Variants in TNXB observed in about 807,000 individuals in gnomAD.
The protein encoded by TNXB is tenascin XB, also known as tenascin-X.
In TNXB, 183 loss-of-function variants were observed where a neutral mutation model predicts 340.5. The observed-to-expected ratio is 0.54, with a 90% CI of 0.48 to 0.61. The LOEUF (loss-of-function observed/expected upper bound fraction) is 0.61. Among genes scored for constraint, TNXB ranks in the 20% least tolerant of loss-of-function variants. The pLI is 0.00. For synonymous variants in TNXB, 2,121 were observed against 2,314.5 expected (o/e 0.92, Z 2.40); for missense variants, 4,613 against 5,446.4 (o/e 0.85, Z 4.82).
Position 32,061,403 on chromosome 6 carries a change from C to A in TNXB, c.7486G>T (p.Val2496Leu). The change falls in exon 21 of 44, where the codon GTG becomes TTG. Residue 2496 changes from valine (V) to leucine (L), a missense_variant. This residue lies in a region of TNXB where 4,327 missense variants were observed against 4,859.4 expected (regional missense o/e 0.89). Coordinates refer to ENST00000644971, the MANE Select transcript of TNXB (RefSeq NM_001365276.2). This position sits in a 1 kb window ranked among gnomAD's most constrained non-coding sequence, Gnocchi z 4.4. ...RRVGPVSTVG[V>L]TAPQEDVDET... ...GACTCCAAGCACTACTCACCAGTCA[C>A]GCCCACGGTGGACACCGGGCCCACG... is the stretch of plus-strand genomic sequence containing the variant. 1 of 1,612,462 alleles carries A rather than the reference C, an allele frequency of 6.2e-7. No individual in the cohort carries two copies. The highest frequency in any genetic ancestry group is 8.5e-7 in the Non-Finnish European group (1 of 1,179,374).
rs747005604 is a variant in TNXB at position 32,067,783 on chromosome 6, A to G, written c.6422T>C (p.Val2141Ala). Residue 2141 changes from valine (V) to alanine (A), a missense_variant, in exon 18 of 44, where the codon GTT (valine) becomes GCT (alanine). Around this residue, in one of 7 missense-constraint regions of TNXB, gnomAD observed 4,327 missense variants for 4,859.4 expected, o/e 0.89. Transcript: ENST00000644971. This position sits in a 1 kb window ranked among gnomAD's most constrained non-coding sequence, Gnocchi z 4.2. ...GGTGACTTCACTCTCCTCGCCCCCA[A>G]CACGCACCACCTGGGGCCGCCCGTC... ...DRDGRPQVVR[V>A]GGEESEVTVG... The G allele has an allele frequency of 2.7e-5, 43 of 1,613,512 alleles. No individual in the cohort carries two copies. The highest frequency in any genetic ancestry group is 1.3e-5 in the Non-Finnish European group (15 of 1,179,854).
chr6:32,048,140 A>G, intron 29 of TNXB, 128 bp from the exon 30 acceptor site: 1 of 1,255,708 alleles, frequency 8.0e-7, no homozygotes. Context: ...AGTAGGAATA[A>G]AAGAGGAGCC....
At position 32,085,582 on chromosome 6, in the gene TNXB, C is replaced by T. The variant is rs1298456237; in HGVS notation, c.3148+168G>A. 1.3e-5 allele frequency among the ~76,000 whole-genome samples: 2 copies of T among 152,168 alleles called. No individual in the cohort carries two copies. Among genetic ancestry groups the T allele is most frequent in the East Asian group, 3.9e-4 (2 of 5,190 alleles). ...TTTAAGATCCCCCTCGATCCATCTTCCTGCTGAACCTGCAATTCCTTTTCT... is the reference window on the plus strand; with the variant it reads ...TTTAAGATCCCCCTCGATCCATCTTTCTGCTGAACCTGCAATTCCTTTTCT... On this transcript the variant is annotated intron_variant, in intron 7 of 43. Coordinates refer to ENST00000644971, the MANE Select transcript of TNXB (RefSeq NM_001365276.2). This position sits in a 1 kb window ranked among gnomAD's most constrained non-coding sequence, Gnocchi z 6.4.
At position 32,069,865 on chromosome 6, in the gene TNXB, A is replaced by G; in HGVS notation, c.5279-4T>C. On this transcript the variant is annotated splice_polypyrimidine_tract_variant and splice_region_variant and intron_variant, in intron 14 of 43. Transcript: ENST00000644971. This position sits in a 1 kb window ranked among gnomAD's most constrained non-coding sequence, Gnocchi z 6.2. ...TCATCCATAGCACTCCGGGCTTCTGAGATGGAGACACGGAGAGGAAACGGC... is the reference window on the plus strand; with the variant it reads ...TCATCCATAGCACTCCGGGCTTCTGGGATGGAGACACGGAGAGGAAACGGC... 1 of 1,579,998 alleles carries G rather than the reference A, an allele frequency of 6.3e-7. No individual in the cohort carries two copies. The highest frequency in any genetic ancestry group is 8.6e-7 in the Non-Finnish European group (1 of 1,160,246).
At position 32,068,435 on chromosome 6, in the gene TNXB, G is replaced by C; in HGVS notation, c.6175C>G (p.His2059Asp). 1 of 1,613,886 alleles carries C rather than the reference G, an allele frequency of 6.2e-7. No individual in the cohort carries two copies. The highest frequency in any genetic ancestry group is 1.1e-5 in the South Asian group (1 of 91,086). Residue 2059 changes from histidine (H) to aspartate (D), a missense_variant, in exon 17 of 44, where the codon CAC becomes GAC. Physicochemically the swap from His to Asp is moderately conservative, Grantham distance 81 (BLOSUM62 -1). Transcript: ENST00000644971. This position sits in a 1 kb window ranked among gnomAD's most constrained non-coding sequence, Gnocchi z 5.3. ...HKYKMNLYGF[H>D]GGQRMGPVSV... Reference sequence around the variant, plus strand: ...ACAGGGCCCATGCGCTGGCCACCGTGGAAGCCGTACAGGTTCATCTTGTAT... The same window carrying C: ...ACAGGGCCCATGCGCTGGCCACCGTCGAAGCCGTACAGGTTCATCTTGTAT...
chr6:32,042,722 G>A lies in TNXB; in HGVS notation c.12035C>T (p.Pro4012Leu). 4.1e-6 allele frequency: 4 copies of A among 979,462 alleles called. No homozygotes were observed. The highest frequency in any genetic ancestry group is 1.9e-5 in the African/African-American group (1 of 51,570). 60.7% of individuals were successfully genotyped at this position (979,462 alleles called of 1,614,324 possible). The change falls in exon 39 of 44, where the codon CCC becomes CTC. Residue 4012 changes from proline to leucine, a missense_variant. Physicochemically the swap from Pro to Leu is moderately conservative, Grantham distance 98. This residue lies in a region of TNXB where 121 missense variants were observed against 177.4 expected (regional missense o/e 0.68). Coordinates refer to ENST00000644971, the MANE Select transcript of TNXB (RefSeq NM_001365276.2). ...QAMWGQSLLP[P>L]VSTSFTTGGL... Reference sequence around the variant, plus strand: ...ACCCGTGGTGAAAGAGGTGGACACGGGCGGCAGGAGGCTCTGGCCCCACAT... The same window carrying A: ...ACCCGTGGTGAAAGAGGTGGACACGAGCGGCAGGAGGCTCTGGCCCCACAT...
At chr6:32,092,154 T>C (rs1191947058) in intron 4 of TNXB, among the ~76,000 whole-genome samples, 2 of 152,208 alleles carry the variant, frequency 1.3e-5, no homozygotes, top group Non-Finnish European at 2.9e-5. Context: ...CCTGGAGGGC[T>C]TGTTGCAATA....
intron 1 of TNXB, among the ~76,000 whole-genome samples, chr6:32,101,455 A>AT (rs1329500658): frequency 1.3e-5 from 2 of 151,756 alleles, no homozygotes; most frequent in African/African-American, 4.8e-5. Context: ...TACTTGGCTC[A>AT]TTTTTTTGTA....
In TNXB at chr6:32,068,972, T is replaced by C. The variant is rs373151913; in HGVS notation, c.5752A>G (p.Arg1918Gly). The change falls in exon 16 of 44, where the codon AGA (arginine) becomes GGA (glycine). Residue 1918 changes from arginine to glycine, a missense_variant. By Grantham distance (125) the Arg-to-Gly change is moderately radical (BLOSUM62 -2). Around this residue, in one of 7 missense-constraint regions of TNXB, gnomAD observed 4,327 missense variants for 4,859.4 expected, o/e 0.89. Transcript: ENST00000644971. The surrounding 1 kb of genome is among the most constrained non-coding windows in gnomAD (Gnocchi z 5.3). ...CGGACCATTTGGAGTTGCCCGTCTC[T>C]ATCTGTGTACTGGATTTCGAAGGAG... Reference protein sequence around the residue: ...FDSFEIQYTDRDGQLQMVRIG... With the variant: ...FDSFEIQYTDGDGQLQMVRIG... The C allele has an allele frequency of 5.0e-6, 8 of 1,612,778 alleles. No homozygotes were observed. The highest frequency in any genetic ancestry group is 1.6e-4 in the Middle Eastern group (1 of 6,082).
At chr6:32,057,995 T>G in intron 22 of TNXB, 63 bp downstream of exon 22, 1 of 1,518,954 alleles carries the variant, frequency 6.6e-7, no homozygotes, top group Non-Finnish European at 8.8e-7. Flanking sequence ...TATAGGAAAA[T>G]GGTAGAGAAG....
Position 32,052,728 on chromosome 6 carries a change from G to C in TNXB, c.9057C>G (p.His3019Gln), listed in dbSNP as rs751582197. 1.9e-6 allele frequency: 3 copies of C among 1,613,816 alleles called. No homozygotes were observed. In the Admixed American group the frequency reaches 5.0e-5, roughly 27 times the overall value. Residue 3019 changes from histidine to glutamine, a missense_variant, in exon 26 of 44, where the codon CAC (histidine) becomes CAG (glutamine). His to Gln is a conservative substitution (Grantham distance 24). Coordinates refer to ENST00000644971, the MANE Select transcript of TNXB (RefSeq NM_001365276.2). The surrounding 1 kb of genome is among the most constrained non-coding windows in gnomAD (Gnocchi z 4.7). Reference sequence around the variant, plus strand: ...GCTGCCCCTCGTGGAGGCCGTACAGGTGCATCTTGTATTTGCACCCGGGCT... The same window carrying C: ...GCTGCCCCTCGTGGAGGCCGTACAGCTGCATCTTGTATTTGCACCCGGGCT... ...GLEPGCKYKMHLYGLHEGQRV... is the reference protein window; with the variant it reads ...GLEPGCKYKMQLYGLHEGQRV...
intron 1 of TNXB, among the ~76,000 whole-genome samples, chr6:32,099,836 G>C (rs1401420624): frequency 6.6e-6 from 1 of 150,804 alleles, no homozygotes; most frequent in Admixed American, 6.6e-5. Context: ...CCCAGAAACA[G>C]GCCCACACAT....
At position 32,082,150 on chromosome 6, in the gene TNXB, G is replaced by C; in HGVS notation, c.3622C>G (p.Pro1208Ala). 1 of 1,612,248 alleles carries C rather than the reference G, an allele frequency of 6.2e-7. No homozygotes were observed. Among genetic ancestry groups the C allele is most frequent in the East Asian group, 2.2e-5 (1 of 44,868 alleles). Reference protein sequence around the residue: ...GRPQVVPVEGPERSFVVSSLD... With the variant: ...GRPQVVPVEGAERSFVVSSLD... ...GAGGAGACAACAAATGAACGCTCGG[G>C]CCCTTCCACAGGTACCACCTGGGGC... is the stretch of plus-strand genomic sequence containing the variant. The change falls in exon 9 of 44, where the codon CCC (proline) becomes GCC (alanine). Residue 1208 changes from proline to alanine, a missense_variant. By Grantham distance (27) the Pro-to-Ala change is conservative. Around this residue, in one of 7 missense-constraint regions of TNXB, gnomAD observed 4,327 missense variants for 4,859.4 expected, o/e 0.89. Transcript: ENST00000644971. The surrounding 1 kb of genome is among the most constrained non-coding windows in gnomAD (Gnocchi z 5.0).
At chr6:32,102,870 A>C (rs1365239035) in intron 1 of TNXB, among the ~76,000 whole-genome samples, 1 of 152,198 alleles carries the variant, frequency 6.6e-6, no homozygotes, top group African/African-American at 2.4e-5. Flanking sequence ...CAGTGAACCA[A>C]GATAATGCCA....
At chr6:32,103,857 G>C (rs1037703467) in intron 1 of TNXB, among the ~76,000 whole-genome samples, 1 of 149,796 alleles carries the variant, frequency 6.7e-6, no homozygotes, top group East Asian at 2.0e-4. Context: ...TCAGCCTCCC[G>C]AGTAGCTGGG....
chr6:32,081,647 G>C lies in TNXB; in HGVS notation c.3763C>G (p.Arg1255Gly), dbSNP rs376472382. The C allele has an allele frequency of 1.1e-4, 178 of 1,589,382 alleles. No individual in the cohort carries two copies. Among genetic ancestry groups the C allele is most frequent in the East Asian group, 6.8e-4 (30 of 44,190 alleles). The part of the protein sequence containing the change: ...TAPERKEEPP[R>G]PEFLEQPLLG... ...AGGGGCTGCTCCAGGAACTCAGGGC[G>C]GGGGGGCTCCTCTTTCCTCTCTGGA... The change falls in exon 10 of 44, where the codon CGC becomes GGC. Residue 1255 changes from arginine to glycine, a missense_variant. Arg to Gly is a moderately radical substitution (Grantham distance 125). This residue lies in a region of TNXB where 4,327 missense variants were observed against 4,859.4 expected (regional missense o/e 0.89). Transcript: ENST00000644971. The surrounding 1 kb of genome is among the most constrained non-coding windows in gnomAD (Gnocchi z 5.1).
At position 32,082,635 on chromosome 6, in the gene TNXB, G is replaced by A. The variant is rs529259540; in HGVS notation, c.3446-309C>T. Among the ~76,000 whole-genome samples, 1 of 152,194 alleles carries A rather than the reference G, an allele frequency of 6.6e-6. No individual in the cohort carries two copies. Among genetic ancestry groups the A allele is most frequent in the South Asian group, 2.1e-4 (1 of 4,814 alleles). On this transcript the variant is annotated intron_variant, in intron 8 of 43. Coordinates refer to ENST00000644971, the MANE Select transcript of TNXB (RefSeq NM_001365276.2). The surrounding 1 kb of genome is among the most constrained non-coding windows in gnomAD (Gnocchi z 5.0). ...GCAGCAGGGAGCTTCAGAAAGAGGG[G>A]AGCCCAGCCAGGCCCTTTCACATCT...
In TNXB at chr6:32,051,779, C is replaced by T. The variant is rs538693460; in HGVS notation, c.9115+891G>A. On this transcript the variant is annotated intron_variant, in intron 26 of 43. Transcript: ENST00000644971. This position sits in a 1 kb window ranked among gnomAD's most constrained non-coding sequence, Gnocchi z 4.7. ...AAAAAGGAAATTCTGACTGATGCTACGACATAGATGAACCTTAAAGACATT... is the reference window on the plus strand; with the variant it reads ...AAAAAGGAAATTCTGACTGATGCTATGACATAGATGAACCTTAAAGACATT... Among the ~76,000 whole-genome samples the T allele has an allele frequency of 9.9e-5, 15 of 152,038 alleles. No individual in the cohort carries two copies. In the East Asian group the frequency reaches 2.1e-3, roughly 22 times the overall value.
chr6:32,084,069 C>G lies in TNXB; in HGVS notation c.3445+344G>C, dbSNP rs1779627355. On this transcript the variant is annotated intron_variant, in intron 8 of 43. Coordinates refer to ENST00000644971, the MANE Select transcript of TNXB (RefSeq NM_001365276.2). This position sits in a 1 kb window ranked among gnomAD's most constrained non-coding sequence, Gnocchi z 5.5. ...TCCCACTTTACCCTTCAGAGGCCCT[C>G]TAGGGGCCTTCGAATGAGGCCCAAG... is the stretch of plus-strand genomic sequence containing the variant. Among the ~76,000 whole-genome samples, 2 of 152,186 alleles carry G rather than the reference C, an allele frequency of 1.3e-5. No individual in the cohort carries two copies. Among genetic ancestry groups the G allele is most frequent in the African/African-American group, 4.8e-5 (2 of 41,436 alleles).
Sources: gnomAD v4.1 joint callset for allele counts (sites outside exome capture counted in the v4.1 genomes callset) on GRCh38, gnomAD v4.1.1 for gene constraint, gnomAD v4.1.1 regional missense constraint, Gnocchi (gnomAD v3.1) non-coding constraint, MANE v1.5 for transcripts, NCBI Gene and HGNC (gene_info 2026-07-23, HGNC 2026-07-21) for gene names.